Variants in GXYLT2 observed in about 807,000 individuals in gnomAD.
The protein encoded by GXYLT2 is glucoside xylosyltransferase 2.
In GXYLT2, 53 loss-of-function variants were observed where a neutral mutation model predicts 45.8. That is an observed-to-expected ratio of 1.16 (90% CI 0.93 to 1.46). GXYLT2 has a LOEUF of 1.46. Ranked by LOEUF, GXYLT2 falls within the 40% of genes most tolerant of loss-of-function variation. The pLI is 0.00. For synonymous variants in GXYLT2, 219 were observed against 214.2 expected, an observed-to-expected ratio of 1.02 and a Z score of -0.19; for missense variants, 551 against 544.4, an observed-to-expected ratio of 1.01 and a Z score of -0.12.
intron 3 of GXYLT2, among the ~76,000 whole-genome samples, chr3:72,943,379 C>CTT (rs72467098): frequency 2.8e-5 from 4 of 141,384 alleles, no homozygotes; most frequent in African/African-American, 7.7e-5. Flanking sequence ...TCTCTTTTTC[C>CTT]TTTTTTTTTT....
intron 5 of GXYLT2, among the ~76,000 whole-genome samples, chr3:72,963,272 A>G (rs1172666123): frequency 6.6e-6 from 1 of 152,238 alleles, no homozygotes; most frequent in Admixed American, 6.5e-5. Context: ...TGAAATAATC[A>G]GAAATATAAG....
intron 1 of GXYLT2, among the ~76,000 whole-genome samples, chr3:72,903,135 T>C (rs1709438608): frequency 6.6e-6 from 1 of 152,260 alleles, no homozygotes; most frequent in South Asian, 2.1e-4. Flanking sequence ...TTTCTCCCTG[T>C]GTGACTCAGT....
Position 72,888,429 on chromosome 3 carries a change from G to T in GXYLT2, c.196G>T (p.Gly66Ter). 8.8e-7 allele frequency: 1 copy of T among 1,134,946 alleles called. No homozygotes were observed. The highest frequency in any genetic ancestry group is 3.1e-5 in the South Asian group (1 of 32,186). The allele number at this position is 1,134,946 out of a possible 1,614,324, so 70.3% of individuals were successfully genotyped here. Residue 66 changes from glycine (G) to a stop codon, truncating the protein, a stop_gained, in exon 1 of 7, where the codon GGA (glycine) becomes TGA (stop). Transcript: ENST00000389617. LOFTEE classifies it high-confidence loss of function. ...GGGCGCCCTCCCCGGGGCCAGCCCG[G>T]GAGTTCGGAGGCGCCGGCCCCCGCG... ...GPGALPGASP[G>*]VRRRRPPRPR...
intron 1 of GXYLT2, among the ~76,000 whole-genome samples, chr3:72,895,824 G>A (rs940287815): frequency 6.6e-6 from 1 of 152,164 alleles, no homozygotes; most frequent in African/African-American, 2.4e-5. Flanking sequence ...CCAGAAAAGA[G>A]TAACCTTGAT....
At chr3:72,956,630 C>T (rs1575812438) in intron 4 of GXYLT2, among the ~76,000 whole-genome samples, 1 of 152,062 alleles carries the variant, frequency 6.6e-6, no homozygotes, top group African/African-American at 2.4e-5. Flanking sequence ...TGTGGGGACT[C>T]ACGCCTATAA....
intron 6 of GXYLT2, among the ~76,000 whole-genome samples, chr3:72,970,685 T>TC (rs1710972403): frequency 6.6e-6 from 1 of 151,228 alleles, no homozygotes; most frequent in Non-Finnish European, 1.5e-5. Context: ...CATGGAGAAA[T>TC]CCCCCCGTCT....
At chr3:72,901,533 T>C (rs1709407962) in intron 1 of GXYLT2, among the ~76,000 whole-genome samples, 2 of 146,400 alleles carry the variant, frequency 1.4e-5, no homozygotes, top group African/African-American at 2.5e-5. Context: ...ATCATCACCA[T>C]AGAATTTCAG....
At chr3:72,931,354 C>T (rs976707147) in intron 3 of GXYLT2, among the ~76,000 whole-genome samples, 10 of 151,960 alleles carry the variant, frequency 6.6e-5, no homozygotes, top group Admixed American at 2.6e-4. Context: ...CTCAGCTTGC[C>T]GAGTAGCTGG....
chr3:72,908,479 T>G lies in GXYLT2; in HGVS notation c.388T>G (p.Ser130Ala). Residue 130 changes from serine (S) to alanine (A), a missense_variant, in exon 2 of 7, where the codon TCA becomes GCA. Ser to Ala is a moderately conservative substitution (Grantham distance 99). Transcript: ENST00000389617. ...RLEETLVMLK[S>A]AVLFSHRKIQ... ...GGAGGAGACGCTGGTCATGCTCAAATCAGCTGTGCTTTTTAGCCACAGGAA... is the reference window on the plus strand; with the variant it reads ...GGAGGAGACGCTGGTCATGCTCAAAGCAGCTGTGCTTTTTAGCCACAGGAA... 6.2e-7 allele frequency: 1 copy of G among 1,613,996 alleles called. No homozygotes were observed. Among genetic ancestry groups the G allele is most frequent in the Non-Finnish European group, 8.5e-7 (1 of 1,179,888 alleles).
chr3:72,934,838 T>G (rs971518541), intron 3 of GXYLT2, among the ~76,000 whole-genome samples: 2 of 152,300 alleles, frequency 1.3e-5, no homozygotes, highest in East Asian at 3.9e-4. Flanking sequence ...TTCTACCATG[T>G]AGAGCCCAGA....
intron 5 of GXYLT2, among the ~76,000 whole-genome samples, chr3:72,963,034 G>A (rs1488877081): frequency 7.2e-5 from 11 of 151,960 alleles, no homozygotes; most frequent in Non-Finnish European, 1.0e-4. Flanking sequence ...AAGCGAGGCC[G>A]GGTGTGGGAG....
rs1263544972 is a variant in GXYLT2 at position 72,912,007 on chromosome 3, A to ATTTT, written c.468+3449_468+3450insTTTT. On this transcript the variant is annotated intron_variant, in intron 2 of 6. Coordinates refer to ENST00000389617, the MANE Select transcript of GXYLT2 (RefSeq NM_001080393.2). ...TGTGTGTGTGTGTATATATATATATATATATATTTTTTTTTTTTTTTGAGA... is the reference window on the plus strand; with the variant it reads ...TGTGTGTGTGTGTATATATATATATATTTTTATATATTTTTTTTTTTTTTTGAGA... Among the ~76,000 whole-genome samples the ATTTT allele has an allele frequency of 2.6e-4, 33 of 124,984 alleles. 1 individual carries two copies. The highest frequency in any genetic ancestry group is 1.3e-3 in the African/African-American group (33 of 24,726). The allele number at this position is 124,984 out of a possible 152,430, so 82.0% of individuals were successfully genotyped here.
At chr3:72,951,780 A>C (rs1451611778) in intron 3 of GXYLT2, among the ~76,000 whole-genome samples, 1 of 152,116 alleles carries the variant, frequency 6.6e-6, no homozygotes, top group South Asian at 2.1e-4. Context: ...TGAAATTAGA[A>C]TCTTCAAATT....
chr3:72,933,453 C>G (rs542878001), intron 3 of GXYLT2, among the ~76,000 whole-genome samples: 1 of 152,242 alleles, frequency 6.6e-6, no homozygotes, highest in East Asian at 1.9e-4. Flanking sequence ...GTGTAAGAAT[C>G]ACAATAATAT....
chr3:72,929,845 G>T (rs1251162411), intron 3 of GXYLT2, among the ~76,000 whole-genome samples: 2 of 152,194 alleles, frequency 1.3e-5, no homozygotes. Flanking sequence ...AGCATTGAAT[G>T]TGAATGGATT....
chr3:72,913,267 T>C (rs2107087719), intron 2 of GXYLT2, among the ~76,000 whole-genome samples: 1 of 151,264 alleles, frequency 6.6e-6, no homozygotes, highest in East Asian at 2.0e-4. Flanking sequence ...CTCGATCTCC[T>C]GACCTCGTGA....
chr3:72,889,690 T>C (rs762135012), intron 1 of GXYLT2, among the ~76,000 whole-genome samples: 1 of 152,200 alleles, frequency 6.6e-6, no homozygotes, highest in Non-Finnish European at 1.5e-5. Context: ...AAGAGATTAA[T>C]TAGGGTTTAA....
At chr3:72,938,732 T>C (rs938495610) in intron 3 of GXYLT2, among the ~76,000 whole-genome samples, 1 of 152,218 alleles carries the variant, frequency 6.6e-6, no homozygotes, top group Admixed American at 6.5e-5. Flanking sequence ...AGAAACCAGA[T>C]ACTTTTCAGT....
At chr3:72,954,979 C>A (rs1052375452) in intron 3 of GXYLT2, 119 bp from the exon 4 acceptor site, 36 of 986,718 alleles carry the variant, frequency 3.6e-5, no homozygotes, top group Non-Finnish European at 5.3e-5. Flanking sequence ...GAATTTAATA[C>A]GAATCAACAA....
Sources: allele counts gnomAD v4.1 joint callset (sites outside exome capture counted in the v4.1 genomes callset), GRCh38; gene constraint gnomAD v4.1.1; transcripts MANE v1.5; gene names NCBI Gene and HGNC (gene_info 2026-07-23, HGNC 2026-07-21).